Variants in HIRA observed in about 807,000 individuals in gnomAD.
HIRA encodes protein HIRA.
In HIRA, 13 loss-of-function variants were observed where a neutral mutation model predicts 126.6. The observed-to-expected ratio is 0.10, with a 90% CI of 0.07 to 0.16. The LOEUF (loss-of-function observed/expected upper bound fraction) is 0.16. HIRA is among the 10% of genes least tolerant of loss of function. The pLI is 1.00. For synonymous variants in HIRA, 511 were observed against 520.0 expected (o/e 0.98, Z 0.24); for missense variants, 834 against 1,314.4 (o/e 0.63, Z 5.65).
intron 23 of HIRA, among the ~76,000 whole-genome samples, chr22:19,353,065 A>C (rs1272407921): frequency 6.6e-6 from 1 of 152,278 alleles, no homozygotes; most frequent in Non-Finnish European, 1.5e-5. Context: ...AGGAGCCAGA[A>C]CATAGAATCT....
intron 11 of HIRA, among the ~76,000 whole-genome samples, chr22:19,387,149 G>A (rs1375825425): frequency 6.6e-6 from 1 of 152,204 alleles, no homozygotes; most frequent in Non-Finnish European, 1.5e-5. Context: ...GAGGCAGCCT[G>A]GCCCAGAGGC....
chr22:19,375,113 G>A (rs2089005575), intron 15 of HIRA, among the ~76,000 whole-genome samples: 1 of 152,184 alleles, frequency 6.6e-6, no homozygotes, highest in South Asian at 2.1e-4. Flanking sequence ...AGCTGTGTTT[G>A]AGGGGAGACC....
At chr22:19,383,553 G>T in intron 13 of HIRA, 67 bp downstream of exon 13, 1 of 1,287,920 alleles carries the variant, frequency 7.8e-7, no homozygotes, top group Non-Finnish European at 1.1e-6. Context: ...CTGTGAAAGT[G>T]TTAACCGCTG....
rs536281401 is a variant in HIRA at position 19,417,266 on chromosome 22, A to G, written c.38-6488T>C. ...AACAAGCACATGAAAAGATGTCAAC[A>G]TCAGTAACCAGTAGAGAAATGCAAG... On this transcript the variant is annotated intron_variant, in intron 1 of 24. Transcript: ENST00000263208. Among the ~76,000 whole-genome samples the G allele has an allele frequency of 1.4e-4, 22 of 152,302 alleles. 1 individual carries two copies. In the South Asian group the frequency reaches 4.6e-3, roughly 32 times the overall value.
chr22:19,429,063 A>G (rs1954308438), intron 1 of HIRA, among the ~76,000 whole-genome samples: 2 of 151,992 alleles, frequency 1.3e-5, no homozygotes, highest in African/African-American at 4.8e-5. Flanking sequence ...ATGAGATTTT[A>G]AAAGAAAGGA....
chr22:19,388,434 G>A, intron 10 of HIRA, 50 bp downstream of exon 10: 1 of 1,441,828 alleles, frequency 6.9e-7, no homozygotes, highest in Non-Finnish European at 9.8e-7. Context: ...ATGTTCCAAT[G>A]TGTGGCTTCT....
At chr22:19,359,600 C>G in intron 17 of HIRA, 116 bp from the exon 18 acceptor site, 1 of 1,218,320 alleles carries the variant, frequency 8.2e-7, no homozygotes, top group Non-Finnish European at 1.1e-6. Context: ...GGCAGACTGG[C>G]TGGCCAAGAG....
rs34074246 is a variant in HIRA at position 19,405,830 on chromosome 22, A to G, written c.353T>C (p.Val118Ala). Residue 118 changes from valine to alanine, a missense_variant, in exon 5 of 25, where the codon GTG becomes GCG. Physicochemically the swap from Val to Ala is moderately conservative, Grantham distance 64 (BLOSUM62 0). Around this residue, in one of 5 missense-constraint regions of HIRA, gnomAD observed 102 missense variants for 191.4 expected, o/e 0.53. Coordinates refer to ENST00000263208, the MANE Select transcript of HIRA (RefSeq NM_003325.4). ...VFGSSGKLAN[V>A]EQWRCVSILR... ...GATAGAGACACACCGCCACTGCTCC[A>G]CATTGGCAAGCTTACCACTGGAGCC... 28 of 1,512,580 alleles carry G rather than the reference A, an allele frequency of 1.9e-5. No individual in the cohort carries two copies. The highest frequency in any genetic ancestry group is 2.5e-5 in the Non-Finnish European group (28 of 1,125,350). 93.7% of individuals were successfully genotyped at this position (1,512,580 alleles called of 1,614,324 possible). A position where few individuals can be genotyped will look rare whatever the true frequency, so the allele number is the denominator to read the frequency against.
intron 1 of HIRA, among the ~76,000 whole-genome samples, chr22:19,420,547 G>T (rs561947269): frequency 2.6e-5 from 4 of 151,080 alleles, no homozygotes; most frequent in Admixed American, 1.3e-4. Flanking sequence ...TTGACGAAAG[G>T]CATTTCTGTT....
At chr22:19,334,548 A>T (rs2088540813) in intron 24 of HIRA, among the ~76,000 whole-genome samples, 1 of 151,078 alleles carries the variant, frequency 6.6e-6, no homozygotes, top group African/African-American at 2.4e-5. Context: ...GCACTTTGGG[A>T]GGCTGAGGCG....
intron 15 of HIRA, among the ~76,000 whole-genome samples, chr22:19,368,483 A>G (rs1205185387): frequency 6.6e-6 from 1 of 151,824 alleles, no homozygotes; most frequent in Non-Finnish European, 1.5e-5. Flanking sequence ...TTGTTTTACT[A>G]TGTTGTAAAA....
intron 7 of HIRA, 49 bp from the exon 8 acceptor site, chr22:19,394,558 C>A: frequency 1.9e-6 from 3 of 1,577,164 alleles, no homozygotes; most frequent in Non-Finnish European, 2.6e-6. Flanking sequence ...ACCTTTGTGA[C>A]CAAAACTCTG....
At position 19,373,454 on chromosome 22, in the gene HIRA, T is replaced by C. The variant is rs564865669; in HGVS notation, c.1775+2177A>G. Among the ~76,000 whole-genome samples, 82 of 152,344 alleles carry C rather than the reference T, an allele frequency of 5.4e-4. 2 individuals are homozygous for C. In the South Asian group the frequency reaches 0.017, roughly 31 times the overall value. ...CTTGTGACTGTGGATTTTATGATCA[T>C]CTAAACAGTGCTTTATCAGTGGTAA... is the stretch of plus-strand genomic sequence containing the variant. On this transcript the variant is annotated intron_variant, in intron 15 of 24. Coordinates refer to ENST00000263208, the MANE Select transcript of HIRA (RefSeq NM_003325.4).
chr22:19,353,984 C>T lies in HIRA; in HGVS notation c.2684+12G>A. On this transcript the variant is annotated intron_variant, in intron 22 of 24. Transcript: ENST00000263208. Reference sequence around the variant, plus strand: ...GACTAAGGACAGTGGCCATGGCATTCAGGTCACGTACTTGGAGGTGCGGCC... The same window carrying T: ...GACTAAGGACAGTGGCCATGGCATTTAGGTCACGTACTTGGAGGTGCGGCC... 1 of 1,612,334 alleles carries T rather than the reference C, an allele frequency of 6.2e-7. No individual in the cohort carries two copies. The highest frequency in any genetic ancestry group is 8.5e-7 in the Non-Finnish European group (1 of 1,179,372).
chr22:19,342,047 A>T (rs546074591), intron 24 of HIRA, among the ~76,000 whole-genome samples: 2 of 152,348 alleles, frequency 1.3e-5, no homozygotes, highest in African/African-American at 4.8e-5. Flanking sequence ...TTTGCAAACT[A>T]TGCATCTGAC....
rs1237761257 is a variant in HIRA, at chr22:19,331,432, G to A, written c.*8C>T. The stretch of plus-strand genomic sequence containing the variant: ...GCCCTTGCTGCAGCCAGGGCAGGCT[G>A]GGGCAGGCTACTTGTCCCTCAGGAT... On this transcript the variant is annotated 3_prime_UTR_variant, in exon 25 of 25. Transcript: ENST00000263208. 1 of 1,613,912 alleles carries A rather than the reference G, an allele frequency of 6.2e-7. No homozygotes were observed. Among genetic ancestry groups the A allele is most frequent in the Non-Finnish European group, 8.5e-7 (1 of 1,179,986 alleles).
In HIRA at chr22:19,386,304, C is replaced by T. The variant is rs989556376; in HGVS notation, c.1114-568G>A. On this transcript the variant is annotated intron_variant, in intron 11 of 24. Coordinates refer to ENST00000263208, the MANE Select transcript of HIRA (RefSeq NM_003325.4). ...TCATCATACTCCCCTCCTTCTAGGC[C>T]CTCATAGTCTTGTGCCCTAACAAGC... 3.5e-4 allele frequency among the ~76,000 whole-genome samples: 54 copies of T among 152,200 alleles called. 1 individual carries two copies. The highest frequency in any genetic ancestry group is 1.3e-3 in the African/African-American group (52 of 41,440).
Position 19,375,618 on chromosome 22 carries a change from A to T in HIRA, c.1775+13T>A, listed in dbSNP as rs1410859637. 1.2e-6 allele frequency: 2 copies of T among 1,613,884 alleles called. No homozygotes were observed. The highest frequency in any genetic ancestry group is 3.3e-5 in the Admixed American group (2 of 60,016). On this transcript the variant is annotated intron_variant, in intron 15 of 24. Transcript: ENST00000263208. ...CCTGCCTGGTCCTTCAGGGTCCTGC[A>T]GCTACCACCTACCTTTCCACAGCTG...
intron 8 of HIRA, among the ~76,000 whole-genome samples, chr22:19,392,745 T>C (rs900418237): frequency 9.9e-5 from 15 of 152,078 alleles, no homozygotes; most frequent in African/African-American, 3.4e-4. Flanking sequence ...AGTCAGAGAG[T>C]CATTTGTGAT....
Sources: gnomAD v4.1 joint callset for allele counts (sites outside exome capture counted in the v4.1 genomes callset) on GRCh38, gnomAD v4.1.1 for gene constraint, gnomAD v4.1.1 regional missense constraint, MANE v1.5 for transcripts, NCBI Gene and HGNC (gene_info 2026-07-23, HGNC 2026-07-21) for gene names.